Variants in FAAH2 observed in about 807,000 individuals in gnomAD.
FAAH2 encodes the protein fatty acid amide hydrolase 2.
In FAAH2, 60 loss-of-function variants were observed where a neutral mutation model predicts 36.9. The ratio of observed to expected loss-of-function variants is 1.63; its 90% confidence interval spans 1.32 to 2.02. FAAH2 has a LOEUF of 2.02. Among genes scored for constraint, FAAH2 ranks in the 30% most tolerant of loss-of-function variants. The probability of loss-of-function intolerance (pLI) is 0.00; values close to 1 mark genes in which losing one functional copy is unlikely to be tolerated. For synonymous variants in FAAH2, 214 were observed against 143.8 expected (o/e 1.49, Z -3.49); for missense variants, 689 against 397.5 (o/e 1.73, Z -6.23).
chrX:57,131,586 A>T, the FAAH2 span, among the ~76,000 whole-genome samples: 1 of 111,822 alleles, frequency 8.9e-6, no homozygotes, highest in African/African-American at 3.3e-5. Context: ...TTTGACTTCC[A>T]GTTGTGTCAT....
the FAAH2 span, among the ~76,000 whole-genome samples, chrX:57,266,437 C>T: frequency 2.7e-5 from 3 of 112,538 alleles, no homozygotes; most frequent in East Asian, 5.6e-4. Context: ...GTCCTCCATG[C>T]CTGGGCCTAC....
At chrX:57,163,007 C>T in the FAAH2 span, among the ~76,000 whole-genome samples, 2 of 111,922 alleles carry the variant, frequency 1.8e-5, no homozygotes, top group Non-Finnish European at 3.8e-5. Flanking sequence ...TACTTTTGGT[C>T]TTTGATGATG....
chrX:57,476,409 G>A (rs1033004407), intron 10 of FAAH2, among the ~76,000 whole-genome samples: 1 of 111,331 alleles, frequency 9.0e-6, no homozygotes, highest in Non-Finnish European at 1.9e-5. Context: ...AGCATGAAAG[G>A]GTGTTGAATT....
chrX:57,150,193 T>G, the FAAH2 span, among the ~76,000 whole-genome samples: 3 of 112,049 alleles, frequency 2.7e-5, no homozygotes, highest in Non-Finnish European at 3.8e-5. Flanking sequence ...TGTGGTCAAT[T>G]TTGGAACAGG....
chrX:57,243,195 C>T, the FAAH2 span, among the ~76,000 whole-genome samples: 1 of 112,184 alleles, frequency 8.9e-6, no homozygotes, highest in Non-Finnish European at 1.9e-5. Context: ...GCCAGACTGC[C>T]TCTAGATTCC....
the FAAH2 span, among the ~76,000 whole-genome samples, chrX:57,163,353 A>T: frequency 8.9e-6 from 1 of 112,133 alleles, no homozygotes; most frequent in Non-Finnish European, 1.9e-5. Context: ...AGCCTACAGA[A>T]GCAGGCAGGC....
chrX:57,313,579 G>A (rs1311239932), intron 3 of FAAH2, among the ~76,000 whole-genome samples: 1 of 111,099 alleles, frequency 9.0e-6, no homozygotes, highest in African/African-American at 3.3e-5. Context: ...CCTTAACAAT[G>A]AGAAGATATT....
the FAAH2 span, among the ~76,000 whole-genome samples, chrX:57,247,519 A>G: frequency 9.0e-6 from 1 of 111,211 alleles, no homozygotes; most frequent in Admixed American, 9.6e-5. Context: ...GCACCAGAGC[A>G]GGCCATTTAT....
intron 3 of FAAH2, among the ~76,000 whole-genome samples, chrX:57,326,410 C>T (rs901367818): frequency 7.9e-5 from 9 of 114,483 alleles, no homozygotes; most frequent in Non-Finnish European, 1.3e-4. Context: ...CTTTCTGTCT[C>T]GTTGATCTGT....
chrX:57,330,347 C>T (rs5914969), intron 3 of FAAH2, among the ~76,000 whole-genome samples: 59,773 of 109,997 alleles, frequency 0.54, 14,361 homozygotes, highest in Non-Finnish European at 0.75. Flanking sequence ...GAAATAAATC[C>T]CAGTCTCCCA....
chrX:57,284,309 G>T (rs753842877), upstream of FAAH2, among the ~76,000 whole-genome samples: 2 of 111,520 alleles, frequency 1.8e-5, no homozygotes. Context: ...GGGAGGCAAA[G>T]GTTGCAATGA....
chrX:57,405,563 G>A (rs968493312), intron 7 of FAAH2, among the ~76,000 whole-genome samples: 7 of 108,152 alleles, frequency 6.5e-5, no homozygotes, highest in Non-Finnish European at 9.6e-5. Flanking sequence ...CTGCGATGGC[G>A]GCAAACAGCA....
chrX:57,451,294 G>T (rs754795563), intron 10 of FAAH2, among the ~76,000 whole-genome samples: 1 of 111,554 alleles, frequency 9.0e-6, no homozygotes, highest in East Asian at 2.8e-4. Flanking sequence ...CTCTTCCCTT[G>T]TTCTTCTGCC....
At chrX:57,446,859 T>C in intron 8 of FAAH2, 69 bp from the exon 9 acceptor site, 1 of 688,560 alleles carries the variant, frequency 1.5e-6, no homozygotes, top group Non-Finnish European at 2.2e-6. Flanking sequence ...ATAAGTCTTG[T>C]ATAGGTGTTT....
chrX:57,324,024 G>A (rs1329441377), intron 3 of FAAH2, among the ~76,000 whole-genome samples: 29 of 105,819 alleles, frequency 2.7e-4, no homozygotes, highest in South Asian at 1.2e-3. Flanking sequence ...TGTATAAGGT[G>A]TAAGGAAGGG....
chrX:57,488,451 C>T (rs943909967), intron 10 of FAAH2, among the ~76,000 whole-genome samples: 1 of 111,437 alleles, frequency 9.0e-6, no homozygotes, highest in African/African-American at 3.2e-5. Context: ...CTATTATTCA[C>T]ACTTTCTGCA....
chrX:57,417,126 C>T (rs1341907227), intron 7 of FAAH2, among the ~76,000 whole-genome samples: 1 of 111,408 alleles, frequency 9.0e-6, no homozygotes, highest in Non-Finnish European at 1.9e-5. Context: ...CTAGCAATTC[C>T]TCTCTCTTTC....
the FAAH2 span, among the ~76,000 whole-genome samples, chrX:57,242,750 G>A: frequency 1.8e-5 from 2 of 112,240 alleles, no homozygotes; most frequent in African/African-American, 6.5e-5. Context: ...TTTTCCCATG[G>A]TCTTTGCAAC....
chrX:57,282,557 T>C (rs2051764130), upstream of FAAH2, among the ~76,000 whole-genome samples: 1 of 112,339 alleles, frequency 8.9e-6, no homozygotes, highest in Admixed American at 9.4e-5. Flanking sequence ...TGATGTTCCT[T>C]CAACTGTAGT....
Sources: gnomAD v4.1 joint callset for allele counts (sites outside exome capture counted in the v4.1 genomes callset) on GRCh38, gnomAD v4.1.1 for gene constraint, MANE v1.5 for transcripts, NCBI Gene and HGNC (gene_info 2026-07-23, HGNC 2026-07-21) for gene names.